TENM4: variants seen among roughly 807,000 people sequenced by gnomAD.
TENM4 encodes the protein teneurin-4.
Under a neutral mutation model 243.3 loss-of-function variants are expected in TENM4, and 82 were observed. The observed-to-expected ratio is 0.34, with a 90% CI of 0.28 to 0.40. The LOEUF (loss-of-function observed/expected upper bound fraction) is 0.40. Among genes scored for constraint, TENM4 ranks in the 10% least tolerant of loss-of-function variants. The pLI, the probability that TENM4 is intolerant of heterozygous loss-of-function variation, is 1.00. For missense variants in TENM4, 3,138 were observed against 3,673.3 expected (o/e 0.85, Z 3.77); for synonymous variants, 1,412 against 1,456.3 (o/e 0.97, Z 0.69).
At chr11:78,721,036 G>T (rs561307902) in intron 24 of TENM4, among the ~76,000 whole-genome samples, 49 of 152,306 alleles carry the variant, frequency 3.2e-4, no homozygotes, top group Admixed American at 2.9e-3. Flanking sequence ...GGAAAATGGG[G>T]TCTCTTATTG....
intron 6 of TENM4, among the ~76,000 whole-genome samples, chr11:78,906,227 G>T (rs78877198): frequency 6.6e-6 from 1 of 152,206 alleles, no homozygotes; most frequent in Admixed American, 6.5e-5. Flanking sequence ...CCCTTCGGGG[G>T]CAGTATTTGT....
intron 15 of TENM4, among the ~76,000 whole-genome samples, chr11:78,795,293 T>G (rs970604887): frequency 2.0e-5 from 3 of 152,174 alleles, no homozygotes; most frequent in Non-Finnish European, 2.9e-5. Flanking sequence ...CATTCCCTAG[T>G]GAGTCTTACA....
In TENM4 at chr11:79,188,244, C is replaced by T. The variant is rs531013123; in HGVS notation, c.-163+27564G>A. On this transcript the variant is annotated intron_variant, in intron 3 of 33. Coordinates refer to ENST00000278550, the MANE Select transcript of TENM4 (RefSeq NM_001098816.3). ...ATGGGAATTTGGGGAAACAAGAAAC[C>T]GAAGACTAGGAATTGAGAAGAGAAG... 6.6e-5 allele frequency among the ~76,000 whole-genome samples: 10 copies of T among 152,234 alleles called. No homozygotes were observed. In the South Asian group the frequency reaches 1.7e-3, roughly 25 times the overall value.
intron 3 of TENM4, among the ~76,000 whole-genome samples, chr11:79,161,650 G>A (rs377278395): frequency 4.6e-5 from 7 of 152,166 alleles, no homozygotes; most frequent in African/African-American, 1.2e-4. Flanking sequence ...TCCAGAAGGA[G>A]CCACTTCGCC....
chr11:78,817,013 T>A (rs764054758), intron 12 of TENM4, among the ~76,000 whole-genome samples: 7 of 152,202 alleles, frequency 4.6e-5, no homozygotes, highest in Non-Finnish European at 1.0e-4. Context: ...TCCCTGCAAC[T>A]GCTTCCTGTT....
intron 6 of TENM4, among the ~76,000 whole-genome samples, chr11:78,929,330 G>A (rs1043797108): frequency 3.3e-5 from 5 of 152,212 alleles, no homozygotes; most frequent in Non-Finnish European, 7.3e-5. Context: ...CTACATTACA[G>A]TGATTACGCA....
intron 3 of TENM4, among the ~76,000 whole-genome samples, chr11:79,163,761 A>G (rs554687749): frequency 5.1e-5 from 7 of 136,116 alleles, no homozygotes; most frequent in African/African-American, 2.0e-4. Context: ...TGGTATGTGT[A>G]TATATATACA....
rs374437966 is a variant in TENM4, at chr11:78,983,693, G to T, written c.494-80170C>A. On this transcript the variant is annotated intron_variant, in intron 6 of 33. Transcript: ENST00000278550. ...TGCCCCCAGGGCATGCCTACCAACTGTGGAGAGGAATCAGAAGACACGGCA... is the reference window on the plus strand; with the variant it reads ...TGCCCCCAGGGCATGCCTACCAACTTTGGAGAGGAATCAGAAGACACGGCA... Among the ~76,000 whole-genome samples, 32 of 152,236 alleles carry T rather than the reference G, an allele frequency of 2.1e-4. No individual in the cohort carries two copies. The South Asian group carries it at 6.0e-3, about 29-fold the overall frequency.
At chr11:79,147,891 A>G (rs1308881091) in intron 4 of TENM4, among the ~76,000 whole-genome samples, 2 of 152,108 alleles carry the variant, frequency 1.3e-5, no homozygotes, top group Admixed American at 1.3e-4. Flanking sequence ...GGCCCATTCC[A>G]GTGCCTGAGA....
chr11:79,108,949 G>A (rs903132707), intron 4 of TENM4, among the ~76,000 whole-genome samples: 3 of 151,702 alleles, frequency 2.0e-5, no homozygotes, highest in Non-Finnish European at 2.9e-5. Flanking sequence ...AACACACACC[G>A]ACTCACAAAC....
chr11:78,979,240 C>T (rs534339930), intron 6 of TENM4, among the ~76,000 whole-genome samples: 2 of 152,288 alleles, frequency 1.3e-5, no homozygotes, highest in Non-Finnish European at 2.9e-5. Flanking sequence ...GCTTAGTTCT[C>T]AGCCCTCCCA....
chr11:79,037,354 G>A (rs962743494), intron 6 of TENM4, among the ~76,000 whole-genome samples: 31 of 152,364 alleles, frequency 2.0e-4, no homozygotes, highest in African/African-American at 7.2e-4. Context: ...TTGGGTTGAG[G>A]TGCTGGGGGC....
At chr11:78,792,078 T>A (rs191185552) in intron 15 of TENM4, among the ~76,000 whole-genome samples, 187 of 152,310 alleles carry the variant, frequency 1.2e-3, no homozygotes, top group Middle Eastern at 6.8e-3. Flanking sequence ...ATGGTCCCCC[T>A]CTAGGATGAG....
intron 4 of TENM4, among the ~76,000 whole-genome samples, chr11:79,083,457 A>G (rs1188719214): frequency 6.6e-6 from 1 of 152,184 alleles, no homozygotes; most frequent in Non-Finnish European, 1.5e-5. Context: ...CACACTCCCA[A>G]ATTCTTAGTT....
chr11:79,137,630 T>C (rs553653445), intron 4 of TENM4, among the ~76,000 whole-genome samples: 1 of 152,192 alleles, frequency 6.6e-6, no homozygotes, highest in Non-Finnish European at 1.5e-5. Context: ...GTATTTCCTC[T>C]TTCTTTTGTT....
chr11:78,680,010 C>T (rs1394610776), intron 29 of TENM4, among the ~76,000 whole-genome samples: 62 of 22,040 alleles, frequency 2.8e-3, no homozygotes, highest in Middle Eastern at 0.033. Context: ...TGTCAAAGGC[C>T]TTTTCTACAT....
chr11:79,095,414 C>T (rs202206664), intron 4 of TENM4, among the ~76,000 whole-genome samples: 6 of 151,618 alleles, frequency 4.0e-5, no homozygotes, highest in African/African-American at 9.7e-5. Flanking sequence ...ACAAAACTTA[C>T]AAGCCATATC....
chr11:79,342,031 C>T (rs908415728), intron 1 of TENM4, among the ~76,000 whole-genome samples: 1 of 152,206 alleles, frequency 6.6e-6, no homozygotes, highest in Non-Finnish European at 1.5e-5. Flanking sequence ...GAATGCTGCT[C>T]TTGTTCTCTC....
intron 2 of TENM4, among the ~76,000 whole-genome samples, chr11:79,244,085 C>T (rs986546741): frequency 1.3e-5 from 2 of 152,170 alleles, no homozygotes; most frequent in Non-Finnish European, 2.9e-5. Flanking sequence ...GCAACAGAAT[C>T]GCCCTGGAGA....
Sources: gnomAD v4.1 joint callset for allele counts (sites outside exome capture counted in the v4.1 genomes callset) on GRCh38, gnomAD v4.1.1 for gene constraint, MANE v1.5 for transcripts, NCBI Gene and HGNC (gene_info 2026-07-23, HGNC 2026-07-21) for gene names.